PLCG2: variants seen among roughly 807,000 people sequenced by gnomAD.
PLCG2 encodes the protein 1-phosphatidylinositol 4,5-bisphosphate phosphodiesterase gamma-2.
A neutral mutation model predicts 175.6 loss-of-function variants in PLCG2; 69 were observed. That is an observed-to-expected ratio of 0.39 (90% CI 0.32 to 0.48). PLCG2 has a LOEUF of 0.48. Among genes scored for constraint, PLCG2 ranks in the 20% least tolerant of loss-of-function variants. PLCG2 has a pLI of 0.91. For synonymous variants in PLCG2, 827 were observed against 624.0 expected (o/e 1.33, Z -4.85); for missense variants, 1,798 against 1,650.9 (o/e 1.09, Z -1.54).
rs1293618094 is a variant in PLCG2 at position 81,895,660 on chromosome 16, G to T, written c.1073-147G>T. 9 of 796,788 alleles carry T rather than the reference G, an allele frequency of 1.1e-5. No homozygotes were observed. In the East Asian group the frequency reaches 2.1e-4, roughly 18 times the overall value. 49.4% of individuals were successfully genotyped at this position (796,788 alleles called of 1,614,324 possible). A position where few individuals can be genotyped will look rare whatever the true frequency, so the allele number is the denominator to read the frequency against. On this transcript the variant is annotated intron_variant, in intron 12 of 32. Transcript: ENST00000564138. The stretch of plus-strand genomic sequence containing the variant: ...CGCACAGGGAACCCTGCGGATACAG[G>T]GAAAGCCATGTCCTCGTGTTGGCAG...
intron 2 of PLCG2, among the ~76,000 whole-genome samples, chr16:81,820,557 C>G (rs1904750036): frequency 6.6e-6 from 1 of 152,252 alleles, no homozygotes; most frequent in Non-Finnish European, 1.5e-5. Flanking sequence ...GCCTACTCCC[C>G]CATTCTCCTC....
rs541410798 is a variant in PLCG2, at chr16:81,960,129, G to A, written c.*2131G>A. The A allele has an allele frequency of 1.8e-5, 4 of 219,320 alleles. No individual in the cohort carries two copies. The highest frequency in any genetic ancestry group is 4.5e-5 in the African/African-American group (2 of 44,428). The allele number at this position is 219,320 out of a possible 1,614,324, so 13.6% of individuals were successfully genotyped here. ...GTCTCCTTCTCCTGGTGCTACAACC[G>A]GAATCCACCATGAGAGAGTACTTTC... On this transcript the variant is annotated 3_prime_UTR_variant, in exon 33 of 33. Transcript: ENST00000564138.
At chr16:81,797,873 C>T (rs1365594820) in intron 2 of PLCG2, among the ~76,000 whole-genome samples, 1 of 151,874 alleles carries the variant, frequency 6.6e-6, no homozygotes, top group Non-Finnish European at 1.5e-5. Context: ...ACTCTGTCCC[C>T]AGGCTGAAGT....
intron 3 of PLCG2, chr16:81,857,990 C>T: frequency 2.3e-6 from 1 of 436,444 alleles, no homozygotes; most frequent in Non-Finnish European, 4.2e-6. Flanking sequence ...CCCACCACTC[C>T]CTCCATTCTT....
chr16:81,932,287 T>C (rs548481728), intron 25 of PLCG2, among the ~76,000 whole-genome samples: 14 of 152,176 alleles, frequency 9.2e-5, no homozygotes, highest in Admixed American at 2.0e-4. Flanking sequence ...GTAACCACAC[T>C]TCTCTGGGCC....
At chr16:81,838,330 G>T (rs1219126565) in intron 2 of PLCG2, among the ~76,000 whole-genome samples, 1 of 152,140 alleles carries the variant, frequency 6.6e-6, no homozygotes, top group Non-Finnish European at 1.5e-5. Flanking sequence ...CATGTGATCT[G>T]CCTGCCTTGG....
intron 24 of PLCG2, chr16:81,928,952 C>T (rs868522428): frequency 4.6e-5 from 13 of 283,050 alleles, no homozygotes; most frequent in Non-Finnish European, 5.4e-5. Context: ...GCTGAGCTGT[C>T]AGCCTGGCTG....
chr16:81,794,139 G>A (rs1353969906), intron 2 of PLCG2, among the ~76,000 whole-genome samples: 1 of 152,086 alleles, frequency 6.6e-6, no homozygotes, highest in Admixed American at 6.6e-5. Context: ...TCCTAGAGGC[G>A]CCGGATTTGT....
At chr16:81,864,248 C>G (rs1007798326) in intron 5 of PLCG2, among the ~76,000 whole-genome samples, 1 of 152,188 alleles carries the variant, frequency 6.6e-6, no homozygotes, top group African/African-American at 2.4e-5. Flanking sequence ...GTAGATGCTG[C>G]TGGTCTGGGA....
chr16:81,749,217 C>G (rs1045263457), intron 1 of PLCG2, among the ~76,000 whole-genome samples: 1 of 152,154 alleles, frequency 6.6e-6, no homozygotes, highest in Admixed American at 6.5e-5. Flanking sequence ...ATCCTGTTCT[C>G]TGAACCCATC....
At chr16:81,841,301 A>T (rs1207058399) in intron 2 of PLCG2, among the ~76,000 whole-genome samples, 1 of 151,834 alleles carries the variant, frequency 6.6e-6, no homozygotes, top group Non-Finnish European at 1.5e-5. Flanking sequence ...CAGTGGCATG[A>T]TCTTGGCTCA....
chr16:81,822,623 G>T (rs1904849570), intron 2 of PLCG2, among the ~76,000 whole-genome samples: 1 of 152,022 alleles, frequency 6.6e-6, no homozygotes, highest in Admixed American at 6.5e-5. Flanking sequence ...TGGGCATGGT[G>T]GCGTGTACCT....
intron 2 of PLCG2, among the ~76,000 whole-genome samples, chr16:81,846,865 A>C (rs1567495501): frequency 6.6e-6 from 1 of 152,124 alleles, no homozygotes; most frequent in Non-Finnish European, 1.5e-5. Flanking sequence ...TTCCCTCTGT[A>C]CTCAACACTT....
chr16:81,825,812 T>TC (rs879288928), intron 2 of PLCG2, among the ~76,000 whole-genome samples: 52 of 152,148 alleles, frequency 3.4e-4, no homozygotes, highest in Non-Finnish European at 6.6e-4. Context: ...TGTCACCAGA[T>TC]TGACCAAAGC....
At chr16:81,938,780 T>G in intron 28 of PLCG2, 21 bp from the exon 29 acceptor site, 1 of 1,511,812 alleles carries the variant, frequency 6.6e-7, no homozygotes, top group Non-Finnish European at 9.2e-7. Context: ...GGGGTTCCAA[T>G]GCTTCCCTTT....
chr16:81,821,050 C>A (rs1904776164), intron 2 of PLCG2, among the ~76,000 whole-genome samples: 1 of 152,120 alleles, frequency 6.6e-6, no homozygotes, highest in Non-Finnish European at 1.5e-5. Context: ...CACCATCATG[C>A]CTGGCTAATT....
intron 2 of PLCG2, among the ~76,000 whole-genome samples, chr16:81,803,633 T>TCCCTCTC (rs1193582710): frequency 1.1e-5 from 1 of 88,572 alleles, no homozygotes; most frequent in Non-Finnish European, 2.3e-5. Flanking sequence ...TCTTTTCTTC[T>TCCCTCTC]TCCCTCCCTC....
Position 81,923,240 on chromosome 16 carries a change from C to G in PLCG2, c.2308-245C>G, listed in dbSNP as rs551475710. On this transcript the variant is annotated intron_variant, in intron 21 of 32. Coordinates refer to ENST00000564138, the MANE Select transcript of PLCG2 (RefSeq NM_002661.5). ...AGCCCCAAACCCTAACTCCTAACCC[C>G]TAACCCTTAACCCCAACCCAGGTAC... is the stretch of plus-strand genomic sequence containing the variant. Among the ~76,000 whole-genome samples, 3 of 152,092 alleles carry G rather than the reference C, an allele frequency of 2.0e-5. No individual in the cohort carries two copies. The East Asian group carries it at 5.8e-4, about 29-fold the overall frequency.
At chr16:81,773,457 G>A (rs1030441171) in intron 2 of PLCG2, among the ~76,000 whole-genome samples, 3 of 152,134 alleles carry the variant, frequency 2.0e-5, no homozygotes, top group African/African-American at 7.2e-5. Context: ...TTACATTGTT[G>A]GAGACACAGG....
Sources: gnomAD v4.1 joint callset for allele counts (sites outside exome capture counted in the v4.1 genomes callset) on GRCh38, gnomAD v4.1.1 for gene constraint, MANE v1.5 for transcripts, NCBI Gene and HGNC (gene_info 2026-07-23, HGNC 2026-07-21) for gene names.